The following ZBTB17 variants were observed in gnomAD, a reference collection of about 807,000 sequenced individuals.
The protein encoded by ZBTB17 is zinc finger and BTB domain containing 17.
A neutral mutation model predicts 85.1 loss-of-function variants in ZBTB17; 24 were observed. That is an observed-to-expected ratio of 0.28 (90% confidence interval 0.20 to 0.40). ZBTB17 has a LOEUF of 0.40. Among genes scored for constraint, ZBTB17 ranks in the 10% least tolerant of loss-of-function variants. ZBTB17 has a pLI of 1.00. For missense variants in ZBTB17, 743 were observed against 1,105.1 expected (o/e 0.67, Z 4.65); for synonymous variants, 464 against 460.2 (o/e 1.01, Z -0.11).
chr1:15,945,808 G>T lies in ZBTB17; in HGVS notation c.568C>A (p.Arg190=). ...AEQTEKADAP[R]EPPPVELKPD... is the part of the protein sequence containing the mutation. ...TTGAGCTCCACAGGCGGCGGCTCCCGGGGCGCATCGGCTTTCTCTGTCTGC... is the reference window on the plus strand; with the variant it reads ...TTGAGCTCCACAGGCGGCGGCTCCCTGGGCGCATCGGCTTTCTCTGTCTGC... The change falls in exon 6 of 16, where the codon CGG becomes AGG. Residue 190 remains arginine, a synonymous_variant. Coordinates refer to ENST00000375743, the MANE Select transcript of ZBTB17 (RefSeq NM_003443.3). 1 of 1,601,990 alleles carries T rather than the reference G, an allele frequency of 6.2e-7. No homozygotes were observed. Among genetic ancestry groups the T allele is most frequent in the Middle Eastern group, 1.7e-4 (1 of 6,052 alleles).
At chr1:15,969,347 T>A (rs2072556931) in intron 2 of ZBTB17, among the ~76,000 whole-genome samples, 1 of 152,144 alleles carries the variant, frequency 6.6e-6, no homozygotes, top group Admixed American at 6.5e-5. Context: ...ATAAAGTACA[T>A]AATAAATGTA....
intron 2 of ZBTB17, among the ~76,000 whole-genome samples, chr1:15,959,476 A>G (rs1468078210): frequency 6.9e-6 from 1 of 145,484 alleles, no homozygotes. Context: ...CAATGGAGAG[A>G]AAAAGAGGAG....
intron 6 of ZBTB17, 69 bp downstream of exon 6, chr1:15,945,646 G>A: frequency 6.3e-7 from 1 of 1,586,474 alleles, no homozygotes; most frequent in Non-Finnish European, 8.5e-7. Context: ...GGAGGCCCCA[G>A]TGCGCAGTGG....
At chr1:15,948,656 C>T (rs1015188008) in intron 2 of ZBTB17, among the ~76,000 whole-genome samples, 159 bp from the exon 3 acceptor site, 1 of 152,234 alleles carries the variant, frequency 6.6e-6, no homozygotes, top group African/African-American at 2.4e-5. Flanking sequence ...CCAGATACCC[C>T]CTGCAAGCCA....
intron 4 of ZBTB17, 50 bp from the exon 5 acceptor site, chr1:15,946,344 T>C (rs780764524): frequency 6.3e-7 from 1 of 1,585,790 alleles, no homozygotes; most frequent in South Asian, 1.1e-5. Flanking sequence ...GTGCCCGCCA[T>C]CTGGAGGTGT....
chr1:15,953,020 T>C lies in ZBTB17; in HGVS notation c.-2-4523A>G, dbSNP rs2071918966. 6.6e-6 allele frequency: 1 copy of C among 152,268 alleles called. No homozygotes were observed. The highest frequency in any genetic ancestry group is 2.1e-4 in the South Asian group (1 of 4,824). The allele number at this position is 152,268 out of a possible 1,614,324, so 9.4% of individuals were successfully genotyped here. A position where few individuals can be genotyped will look rare whatever the true frequency, so the allele number is the denominator to read the frequency against. ...AAGTGATTCAGCCAAAGGTTCAGGA[T>C]GACGGTTCTCTCTGGATGGGGGAGG... On this transcript the variant is annotated intron_variant, in intron 2 of 15. Transcript: ENST00000375743. The surrounding 1 kb of genome is among the most constrained non-coding windows in gnomAD (Gnocchi z 5.1).
rs1436625786 is a variant in ZBTB17 at position 15,953,169 on chromosome 1, TAA to T, written c.-2-4674_-2-4673del. Among the ~76,000 whole-genome samples, 1 of 151,672 alleles carries T rather than the reference TAA, an allele frequency of 6.6e-6. No homozygotes were observed. The highest frequency in any genetic ancestry group is 6.6e-5 in the Admixed American group (1 of 15,248). On this transcript the variant is annotated intron_variant, in intron 2 of 15. Transcript: ENST00000375743. The surrounding 1 kb of genome is among the most constrained non-coding windows in gnomAD (Gnocchi z 5.1). ...TTTACATGAAAACATTCCAATTATT[TAA>T]AAAAATGTATTTTTTTTTTTTTGTA...
chr1:15,943,994 G>T (rs2071472895), intron 9 of ZBTB17, 99 bp from the exon 10 acceptor site: 3 of 1,255,090 alleles, frequency 2.4e-6, no homozygotes, highest in South Asian at 2.6e-5. Flanking sequence ...TCTCAGGCTT[G>T]CCAGGGTCCG....
At position 15,970,205 on chromosome 1, in the gene ZBTB17, A is replaced by C. The variant is rs559861629; in HGVS notation, c.-3+2834T>G. On this transcript the variant is annotated intron_variant, in intron 2 of 15. Transcript: ENST00000375743. ...GCCAAGTTTATTTGCCAAGCTGATA[A>C]ATGTCTAAATTGCTTGACTCTCACT... is the stretch of plus-strand genomic sequence containing the variant. 6.2e-6 allele frequency: 3 copies of C among 485,482 alleles called. No individual in the cohort carries two copies. The South Asian group carries it at 6.3e-5, about 10-fold the overall frequency. The allele number at this position is 485,482 out of a possible 1,614,324, so 30.1% of individuals were successfully genotyped here.
Position 15,964,103 on chromosome 1 carries a change from G to T in ZBTB17, c.-3+8936C>A, listed in dbSNP as rs929027298. 7.4e-5 allele frequency among the ~76,000 whole-genome samples: 11 copies of T among 148,966 alleles called. No homozygotes were observed. Among genetic ancestry groups the T allele is most frequent in the African/African-American group, 2.5e-4 (10 of 40,442 alleles). On this transcript the variant is annotated intron_variant, in intron 2 of 15. Transcript: ENST00000375743. The surrounding 1 kb of genome is among the most constrained non-coding windows in gnomAD (Gnocchi z 4.3). ...CCACGGCACTCCAGCCTGGACAACA[G>T]CGAGACCCTGTCTCTAGAGAGAAAA...
chr1:15,955,651 G>A (rs553927766), intron 2 of ZBTB17, among the ~76,000 whole-genome samples: 3 of 152,146 alleles, frequency 2.0e-5, no homozygotes, highest in South Asian at 2.1e-4. Context: ...TACAACTACC[G>A]CTATCTTTCA....
intron 6 of ZBTB17, 49 bp from the exon 7 acceptor site, chr1:15,945,251 C>T (rs1357461490): frequency 3.2e-6 from 5 of 1,540,330 alleles, no homozygotes; most frequent in Non-Finnish European, 3.5e-6. Flanking sequence ...TCTGCCTGAG[C>T]GCACGTGAGG....
At chr1:15,947,209 G>A (rs143637154) in intron 3 of ZBTB17, 86 bp from the exon 4 acceptor site, 136 of 1,389,226 alleles carry the variant, frequency 9.8e-5, no homozygotes, top group Admixed American at 1.9e-4. Flanking sequence ...GCAGCAGGAC[G>A]CAGGGATTTA....
At chr1:15,943,772 G>A (rs1350686374) in intron 10 of ZBTB17, 36 bp downstream of exon 10, 14 of 1,612,538 alleles carry the variant, frequency 8.7e-6, no homozygotes, top group Non-Finnish European at 1.2e-5. Flanking sequence ...CCGAGGAGCA[G>A]GGGTGTGAGG....
chr1:15,943,046 G>A lies in ZBTB17; in HGVS notation c.1828+18C>T. The A allele has an allele frequency of 6.2e-7, 1 of 1,613,842 alleles. No individual in the cohort carries two copies. Among genetic ancestry groups the A allele is most frequent in the Non-Finnish European group, 8.5e-7 (1 of 1,179,850 alleles). The stretch of plus-strand genomic sequence containing the variant: ...CAGGGCCTGGGAAGGAACAGGCATG[G>A]TAGGGGCCACAGCTCACCAGTGTGA... On this transcript the variant is annotated intron_variant, in intron 13 of 15. Coordinates refer to ENST00000375743, the MANE Select transcript of ZBTB17 (RefSeq NM_003443.3).
intron 12 of ZBTB17, 75 bp from the exon 13 acceptor site, chr1:15,943,269 A>G: frequency 6.2e-7 from 1 of 1,605,192 alleles, no homozygotes; most frequent in Non-Finnish European, 8.5e-7. Flanking sequence ...TAGACTGAAA[A>G]GGACCCCTAG....
chr1:15,949,739 G>A (rs1286883049), intron 2 of ZBTB17, among the ~76,000 whole-genome samples: 1 of 152,258 alleles, frequency 6.6e-6, no homozygotes, highest in Non-Finnish European at 1.5e-5. Context: ...CTGTGGCCAT[G>A]CATGGCTGTC....
rs938145995 is a variant in ZBTB17 at position 15,964,970 on chromosome 1, C to T, written c.-3+8069G>A. 1.4e-4 allele frequency among the ~76,000 whole-genome samples: 22 copies of T among 151,838 alleles called. No individual in the cohort carries two copies. The highest frequency in any genetic ancestry group is 3.9e-4 in the Admixed American group (6 of 15,264). ...CTACTAAAAATAAAAAAAAATTAGC[C>T]AGGCGTGGTGGCACGCATCTGTAAT... On this transcript the variant is annotated intron_variant, in intron 2 of 15. Transcript: ENST00000375743. The surrounding 1 kb of genome is among the most constrained non-coding windows in gnomAD (Gnocchi z 4.3).
rs12081483 is a variant in ZBTB17 at position 15,961,619 on chromosome 1, G to A, written c.-3+11420C>T. Among the ~76,000 whole-genome samples the A allele has an allele frequency of 2.8e-3, 427 of 152,334 alleles. 2 individuals carry two copies. Among genetic ancestry groups the A allele is most frequent in the African/African-American group, 9.9e-3 (410 of 41,568 alleles). ...GGATTAGGAGAGGCTCAGGGGCCCAGGGCTCGCCCTTCAACAAACAGCGCT... is the reference window on the plus strand; with the variant it reads ...GGATTAGGAGAGGCTCAGGGGCCCAAGGCTCGCCCTTCAACAAACAGCGCT... On this transcript the variant is annotated intron_variant, in intron 2 of 15. Transcript: ENST00000375743.
Sources: allele counts gnomAD v4.1 joint callset (sites outside exome capture counted in the v4.1 genomes callset), GRCh38; gene constraint gnomAD v4.1.1; non-coding constraint Gnocchi (gnomAD v3.1); transcripts MANE v1.5; gene names NCBI Gene and HGNC (gene_info 2026-07-23, HGNC 2026-07-21).